PPP6C: variants seen among roughly 807,000 people sequenced by gnomAD.
PPP6C encodes protein phosphatase 6 catalytic subunit, also known as serine/threonine-protein phosphatase 6 catalytic subunit.
Under a neutral mutation model 39.8 loss-of-function variants are expected in PPP6C, and 11 were observed. The ratio of observed to expected loss-of-function variants is 0.28; its 90% CI spans 0.17 to 0.46. The LOEUF (loss-of-function observed/expected upper bound fraction) is 0.46, where lower values mean the gene tolerates loss of function less well. PPP6C is among the 20% of genes least tolerant of loss of function. The probability of loss-of-function intolerance (pLI) is 1.00; values close to 1 mark genes in which losing one functional copy is unlikely to be tolerated. For synonymous variants in PPP6C, 129 were observed against 130.3 expected (o/e 0.99, Z 0.07); for missense variants, 211 against 373.9 (o/e 0.56, Z 3.59).
Position 125,189,694 on chromosome 9 carries a change from A to C in PPP6C, c.25T>G (p.Tyr9Asp), listed in dbSNP as rs925032759. The C allele has an allele frequency of 6.2e-7, 1 of 1,610,222 alleles. No individual in the cohort carries two copies. Among genetic ancestry groups the C allele is most frequent in the Non-Finnish European group, 8.5e-7 (1 of 1,178,550 alleles). MAPLDLDK[Y>D]VEIARLCKYL... ...TTGCACAGCCGCGCTATTTCCACAT[A>C]CTTGTCCAGGTCTAGCGGCGCCATT... Residue 9 changes from tyrosine (Y) to aspartate (D), a missense_variant, in exon 1 of 7, where the codon TAT (tyrosine) becomes GAT (aspartate). Around this residue, in one of 2 missense-constraint regions of PPP6C, gnomAD observed 43 missense variants for 31.3 expected, o/e 1.38. Transcript: ENST00000373547.
At chr9:125,189,017 TA>T in intron 1 of PPP6C, 1 of 1,196,858 alleles carries the variant, frequency 8.4e-7, no homozygotes, top group Non-Finnish European at 1.2e-6. Flanking sequence ...TCCACTTCAG[TA>T]AGCTCAACAA....
chr9:125,168,864 G>A (rs184158142), intron 2 of PPP6C, among the ~76,000 whole-genome samples: 62 of 150,338 alleles, frequency 4.1e-4, no homozygotes, highest in East Asian at 1.6e-3. Flanking sequence ...GGGTTCTAGC[G>A]ATTCTCCTGC....
At chr9:125,174,313 G>C (rs1228843070) in intron 1 of PPP6C, among the ~76,000 whole-genome samples, 1 of 152,172 alleles carries the variant, frequency 6.6e-6, no homozygotes, top group Admixed American at 6.5e-5. Flanking sequence ...CTCAATGGGA[G>C]TGGGAGGGGG....
At position 125,148,003 on chromosome 9, in the gene PPP6C, G is replaced by T. The variant is rs1226299110; in HGVS notation, c.*1670C>A. 5.4e-6 allele frequency: 1 copy of T among 186,156 alleles called. No homozygotes were observed. The highest frequency in any genetic ancestry group is 1.1e-5 in the Non-Finnish European group (1 of 88,748). 11.5% of individuals were successfully genotyped at this position (186,156 alleles called of 1,614,324 possible). On this transcript the variant is annotated 3_prime_UTR_variant, in exon 7 of 7. Transcript: ENST00000373547. Reference sequence around the variant, plus strand: ...CCCAACATTAGTTCAAGTGTGTGCAGCAAATGTCTTAGCCACCTCTTTCAT... The same window carrying T: ...CCCAACATTAGTTCAAGTGTGTGCATCAAATGTCTTAGCCACCTCTTTCAT...
chr9:125,157,119 T>TCCCTCCC (rs1488776191), intron 4 of PPP6C, among the ~76,000 whole-genome samples: 3 of 115,892 alleles, frequency 2.6e-5, no homozygotes, highest in East Asian at 2.8e-4. Flanking sequence ...CCTAACGCTA[T>TCCCTCCC]CCCTCCCCCC....
At chr9:125,172,069 T>A (rs1829183024) in intron 1 of PPP6C, 1 of 405,076 alleles carries the variant, frequency 2.5e-6, no homozygotes, top group East Asian at 7.3e-5. Flanking sequence ...CCACACCATG[T>A]AATACTACTC....
At chr9:125,180,760 G>T (rs893974143) in intron 1 of PPP6C, among the ~76,000 whole-genome samples, 2 of 152,146 alleles carry the variant, frequency 1.3e-5, no homozygotes, top group African/African-American at 4.8e-5. Context: ...TCGCTGACAT[G>T]TAACTGGTTC....
At chr9:125,157,407 C>T (rs919190309) in intron 4 of PPP6C, among the ~76,000 whole-genome samples, 19 of 151,994 alleles carry the variant, frequency 1.3e-4, no homozygotes, top group African/African-American at 2.9e-4. Flanking sequence ...TAAAGTCCAA[C>T]GATAGAGGAA....
At position 125,189,596 on chromosome 9, in the gene PPP6C, G is replaced by A. The variant is rs1292162459; in HGVS notation, c.75+48C>T. 3.1e-6 allele frequency: 5 copies of A among 1,609,472 alleles called. No homozygotes were observed. The African/African-American group carries it at 4.0e-5, about 13-fold the overall frequency. On this transcript the variant is annotated intron_variant, in intron 1 of 6. Transcript: ENST00000373547. ...GTCCTGGAGAAAGGAAGGGCCGGCC[G>A]GCGGGCGCCCCACAGCCGGAAGGGG...
chr9:125,178,637 TA>T (rs1311638423), intron 1 of PPP6C, among the ~76,000 whole-genome samples: 1 of 152,200 alleles, frequency 6.6e-6, no homozygotes, highest in Non-Finnish European at 1.5e-5. Flanking sequence ...GGACTCCAAG[TA>T]ATATTCAGCT....
intron 6 of PPP6C, chr9:125,151,161 T>C: frequency 6.9e-7 from 1 of 1,455,416 alleles, no homozygotes; most frequent in Non-Finnish European, 9.7e-7. Context: ...CTGATGCTGG[T>C]GGAGCTAAGA....
chr9:125,182,316 T>G (rs1829436479), intron 1 of PPP6C, among the ~76,000 whole-genome samples: 1 of 152,118 alleles, frequency 6.6e-6, no homozygotes. Flanking sequence ...TTTTACATAC[T>G]GGTATTTATA....
At chr9:125,185,315 G>A (rs1829503114) in intron 1 of PPP6C, among the ~76,000 whole-genome samples, 1 of 151,116 alleles carries the variant, frequency 6.6e-6, no homozygotes, top group Non-Finnish European at 1.5e-5. Context: ...CATGATCTCG[G>A]CTCACTGCAA....
In PPP6C at chr9:125,189,627, C is replaced by CGGAAGGGGTG. The variant is rs749585789; in HGVS notation, c.75+16_75+17insCACCCCTTCC. 16 of 1,612,536 alleles carry CGGAAGGGGTG rather than the reference C, an allele frequency of 9.9e-6. No homozygotes were observed. The South Asian group carries it at 1.8e-4, about 18-fold the overall frequency. ...CGCCCCACAGCCGGAAGGGGCGAGC[C>CGGAAGGGGTG]CGCAAATAGGGCTCACCTTCAGGTC... On this transcript the variant is annotated intron_variant, in intron 1 of 6. Transcript: ENST00000373547.
rs868682773 is a variant in PPP6C at position 125,157,698 on chromosome 9, T to C, written c.379+543A>G. 9.6e-5 allele frequency among the ~76,000 whole-genome samples: 14 copies of C among 145,946 alleles called. 1 individual carries two copies. The South Asian group carries it at 3.1e-3, about 32-fold the overall frequency. ...CCAGCATTCTCCTTTTTTTTTTGGT[T>C]TTTTTTTTTTTGAGACGGAGTCTCC... On this transcript the variant is annotated intron_variant, in intron 4 of 6. Transcript: ENST00000373547.
intron 1 of PPP6C, among the ~76,000 whole-genome samples, chr9:125,178,796 T>G (rs1829360806): frequency 6.6e-6 from 1 of 152,190 alleles, no homozygotes; most frequent in African/African-American, 2.4e-5. Flanking sequence ...GCCAGCTTCT[T>G]CTAGACAGTT....
chr9:125,158,672 T>C (rs1452812559), intron 3 of PPP6C, among the ~76,000 whole-genome samples: 3 of 152,108 alleles, frequency 2.0e-5, no homozygotes, highest in African/African-American at 7.2e-5. Flanking sequence ...TTTCTTTTTT[T>C]TCTTTTTTTG....
chr9:125,147,206 A>G lies in PPP6C; in HGVS notation c.*2467T>C, dbSNP rs900261636. Reference sequence around the variant, plus strand: ...TCGGCCAAAGGAGGAAAGGGAGTAAATGGCAATTCAAAGTAGACAGTTCTC... The same window carrying G: ...TCGGCCAAAGGAGGAAAGGGAGTAAGTGGCAATTCAAAGTAGACAGTTCTC... On this transcript the variant is annotated 3_prime_UTR_variant, in exon 7 of 7. Coordinates refer to ENST00000373547, the MANE Select transcript of PPP6C (RefSeq NM_002721.5). 6.6e-6 allele frequency: 1 copy of G among 152,222 alleles called. No homozygotes were observed. The highest frequency in any genetic ancestry group is 1.5e-5 in the Non-Finnish European group (1 of 68,028). 9.4% of individuals were successfully genotyped at this position (152,222 alleles called of 1,614,324 possible).
intron 1 of PPP6C, among the ~76,000 whole-genome samples, chr9:125,184,838 TG>T (rs1463309750): frequency 2.0e-5 from 3 of 151,614 alleles, no homozygotes; most frequent in African/African-American, 7.3e-5. Context: ...AAAAATTAGC[TG>T]GGTGTGGTAG....
Sources: allele counts gnomAD v4.1 joint callset (sites outside exome capture counted in the v4.1 genomes callset), GRCh38; gene constraint gnomAD v4.1.1; regional missense constraint gnomAD v4.1.1; transcripts MANE v1.5; gene names NCBI Gene and HGNC (gene_info 2026-07-23, HGNC 2026-07-21).